ELMO1: variants seen among roughly 807,000 people sequenced by gnomAD.
ELMO1 encodes engulfment and cell motility 1.
In ELMO1, 26 loss-of-function variants were observed where a neutral mutation model predicts 98.9. The ratio of observed to expected loss-of-function variants is 0.26; its 90% CI spans 0.19 to 0.36. ELMO1 has a LOEUF of 0.36. ELMO1 is among the 10% of genes least tolerant of loss of function. The pLI is 1.00. For synonymous variants in ELMO1, 346 were observed against 346.0 expected (o/e 1.00, Z 0.00); for missense variants, 627 against 935.2 (o/e 0.67, Z 4.30).
intron 13 of ELMO1, among the ~76,000 whole-genome samples, chr7:37,144,287 A>C (rs1393132374): frequency 1.3e-5 from 2 of 151,942 alleles, no homozygotes; most frequent in Admixed American, 6.6e-5. Flanking sequence ...TCATTTTCTC[A>C]GCTTTCCTTT....
intron 1 of ELMO1, among the ~76,000 whole-genome samples, chr7:37,397,054 T>C (rs1008746047): frequency 2.6e-5 from 4 of 152,206 alleles, no homozygotes; most frequent in Admixed American, 6.5e-5. Context: ...GATAGGAATT[T>C]TTCTCAGAAA....
intron 13 of ELMO1, among the ~76,000 whole-genome samples, chr7:37,196,819 A>T (rs73108924): frequency 1.2e-3 from 180 of 152,352 alleles, no homozygotes; most frequent in Middle Eastern, 3.4e-3. Flanking sequence ...TAAAATAGAC[A>T]TAATAATCCT....
intron 6 of ELMO1, among the ~76,000 whole-genome samples, chr7:37,250,930 C>T (rs758753418): frequency 6.6e-6 from 1 of 152,124 alleles, no homozygotes; most frequent in Non-Finnish European, 1.5e-5. Context: ...TTTCCCATCA[C>T]ATTGCCAAGC....
At chr7:37,198,799 C>T (rs747084666) in intron 13 of ELMO1, among the ~76,000 whole-genome samples, 12 of 152,240 alleles carry the variant, frequency 7.9e-5, no homozygotes, top group African/African-American at 1.2e-4. Context: ...GAAGGATTGA[C>T]ACTGTTTAAT....
intron 14 of ELMO1, among the ~76,000 whole-genome samples, chr7:37,115,996 C>G (rs952490924): frequency 2.0e-5 from 3 of 152,126 alleles, no homozygotes; most frequent in Admixed American, 6.5e-5. Context: ...GGGATATATA[C>G]GAACCCTCTG....
chr7:37,346,605 G>T (rs962932088), intron 1 of ELMO1, among the ~76,000 whole-genome samples: 2 of 152,106 alleles, frequency 1.3e-5, no homozygotes, highest in Non-Finnish European at 2.9e-5. Context: ...ACTTCAGTTC[G>T]ACATCCAAGT....
chr7:37,165,092 G>A (rs1480745859), intron 13 of ELMO1, among the ~76,000 whole-genome samples: 1 of 152,144 alleles, frequency 6.6e-6, no homozygotes, highest in Non-Finnish European at 1.5e-5. Context: ...TATTCTCTTT[G>A]AAGCAATTGT....
chr7:37,165,651 G>A (rs556485234), intron 13 of ELMO1, among the ~76,000 whole-genome samples: 145 of 152,064 alleles, frequency 9.5e-4, no homozygotes, highest in Non-Finnish European at 1.8e-3. Context: ...ATTGATTTGC[G>A]TATATTGAAC....
intron 13 of ELMO1, among the ~76,000 whole-genome samples, chr7:37,187,144 C>T (rs367598995): frequency 1.2e-4 from 18 of 152,086 alleles, no homozygotes; most frequent in Admixed American, 6.6e-4. Context: ...AAACAAAGAA[C>T]GGATACATGA....
At chr7:37,425,650 A>T (rs1407687623) in intron 1 of ELMO1, among the ~76,000 whole-genome samples, 1 of 152,274 alleles carries the variant, frequency 6.6e-6, no homozygotes. Context: ...CACAAACGTC[A>T]GATTTCCCAT....
At chr7:37,043,232 TAAAAGCCATAA>T (rs2129197194) in intron 15 of ELMO1, among the ~76,000 whole-genome samples, 1 of 152,304 alleles carries the variant, frequency 6.6e-6, no homozygotes, top group East Asian at 1.9e-4. Context: ...TTGTCTCAGC[TAAAAGCCATAA>T]GAAAGCCTAA....
In ELMO1 at chr7:36,855,273, C is replaced by T; in HGVS notation, c.*278G>A. ...GGCTAGGATGGAAGGGCCCTTTGGC[C>T]TTCTTACTGGCAGTGGGCTTTGCTC... On this transcript the variant is annotated 3_prime_UTR_variant, in exon 22 of 22. Transcript: ENST00000310758. This position sits in a 1 kb window ranked among gnomAD's most constrained non-coding sequence, Gnocchi z 4.2. The T allele has an allele frequency of 4.3e-6, 2 of 469,332 alleles. No homozygotes were observed. Among genetic ancestry groups the T allele is most frequent in the South Asian group, 2.2e-5 (1 of 45,922 alleles). 29.1% of individuals were successfully genotyped at this position (469,332 alleles called of 1,614,324 possible). A position where few individuals can be genotyped will look rare whatever the true frequency, so the allele number is the denominator to read the frequency against.
intron 6 of ELMO1, among the ~76,000 whole-genome samples, chr7:37,257,666 G>A (rs536539402): frequency 1.5e-4 from 23 of 150,898 alleles, no homozygotes; most frequent in Admixed American, 1.2e-3. Flanking sequence ...AGGAGTTCAA[G>A]ACCAGCCTGG....
intron 11 of ELMO1, among the ~76,000 whole-genome samples, chr7:37,216,233 C>T (rs1280695205): frequency 6.6e-6 from 1 of 151,890 alleles, no homozygotes; most frequent in African/African-American, 2.4e-5. Context: ...CATGCGGGCC[C>T]CCAAAACTGA....
chr7:36,869,597 A>G (rs1308264915), intron 20 of ELMO1, among the ~76,000 whole-genome samples: 1 of 152,236 alleles, frequency 6.6e-6, no homozygotes, highest in East Asian at 1.9e-4. Context: ...TAATCTGGAT[A>G]CTTTTGTTCA....
intron 15 of ELMO1, among the ~76,000 whole-genome samples, chr7:37,032,075 G>A (rs779631150): frequency 5.9e-5 from 9 of 152,092 alleles, no homozygotes; most frequent in Non-Finnish European, 1.3e-4. Flanking sequence ...CCTCATTCCA[G>A]GCCTGCGTGA....
chr7:37,089,542 A>G (rs1783960986), intron 15 of ELMO1, among the ~76,000 whole-genome samples: 1 of 152,232 alleles, frequency 6.6e-6, no homozygotes, highest in Non-Finnish European at 1.5e-5. Flanking sequence ...CCATTTGCTA[A>G]AAGGACAGTA....
chr7:36,968,516 T>C (rs568416162), intron 16 of ELMO1, among the ~76,000 whole-genome samples: 21 of 152,308 alleles, frequency 1.4e-4, no homozygotes, highest in Admixed American at 3.3e-4. Flanking sequence ...GGTGTACTAA[T>C]TGAGCTTTGT....
rs561089612 is a variant in ELMO1 at position 37,317,734 on chromosome 7, T to A, written c.79-1774A>T. Among the ~76,000 whole-genome samples the A allele has an allele frequency of 7.8e-4, 119 of 151,910 alleles. 1 individual carries two copies. In the Middle Eastern group the frequency reaches 0.02, roughly 26 times the overall value. On this transcript the variant is annotated intron_variant, in intron 2 of 21. Coordinates refer to ENST00000310758, the MANE Select transcript of ELMO1 (RefSeq NM_014800.11). The stretch of plus-strand genomic sequence containing the variant: ...ATGGTTAATGAGTTCCAAAAAAAAA[T>A]AAAGAATGATAAGACCTAGTATTTG...
Sources: allele counts gnomAD v4.1 joint callset (sites outside exome capture counted in the v4.1 genomes callset), GRCh38; gene constraint gnomAD v4.1.1; non-coding constraint Gnocchi (gnomAD v3.1); transcripts MANE v1.5; gene names NCBI Gene and HGNC (gene_info 2026-07-23, HGNC 2026-07-21).